Variants in MYO3A observed in about 807,000 individuals in gnomAD.
MYO3A encodes the protein myosin-IIIa.
A neutral mutation model predicts 192.7 loss-of-function variants in MYO3A; 180 were observed. The observed-to-expected ratio is 0.93, with a 90% CI of 0.83 to 1.06. MYO3A has a LOEUF of 1.06. Ranked by LOEUF, MYO3A falls within the 50% of genes least tolerant of loss-of-function variation. The probability of loss-of-function intolerance (pLI) is 0.00; values close to 1 mark genes in which losing one functional copy is unlikely to be tolerated. For synonymous variants in MYO3A, 628 were observed against 645.3 expected (o/e 0.97, Z 0.41); for missense variants, 1,896 against 1,905.0 (o/e 1.00, Z 0.09).
chr10:26,138,634 C>T (rs913395984), intron 20 of MYO3A, among the ~76,000 whole-genome samples: 3 of 152,146 alleles, frequency 2.0e-5, no homozygotes, highest in African/African-American at 4.8e-5. Context: ...AGAAGTCTTA[C>T]TTCGTATGCC....
intron 23 of MYO3A, among the ~76,000 whole-genome samples, chr10:26,150,087 C>T (rs1840711808): frequency 6.6e-6 from 1 of 151,164 alleles, no homozygotes; most frequent in Non-Finnish European, 1.5e-5. Context: ...TCCAATCATC[C>T]ATTGATGGAC....
In MYO3A at chr10:26,088,414, A is replaced by G. The variant is rs746208165; in HGVS notation, c.1562+9A>G. On this transcript the variant is annotated intron_variant, in intron 15 of 34. Transcript: ENST00000642920. ...GTTATCCACCAAGCTATGTAAGTTT[A>G]TTTCAAATCTCTCCTATTTTGGAGG... 5 of 1,608,964 alleles carry G rather than the reference A, an allele frequency of 3.1e-6. No individual in the cohort carries two copies. Among genetic ancestry groups the G allele is most frequent in the South Asian group, 2.2e-5 (2 of 90,982 alleles).
At chr10:26,009,595 G>A (rs912270069) in intron 6 of MYO3A, among the ~76,000 whole-genome samples, 1 of 152,088 alleles carries the variant, frequency 6.6e-6, no homozygotes, top group Non-Finnish European at 1.5e-5. Flanking sequence ...TTTTTATGTT[G>A]CTATCAAGTT....
In MYO3A at chr10:26,159,446, G is replaced by A. The variant is rs1164734081; in HGVS notation, c.2999+1931G>A. 6.8e-5 allele frequency among the ~76,000 whole-genome samples: 10 copies of A among 147,826 alleles called. No homozygotes were observed. In the South Asian group the frequency reaches 1.9e-3, roughly 29 times the overall value. On this transcript the variant is annotated intron_variant, in intron 26 of 34. Transcript: ENST00000642920. The stretch of plus-strand genomic sequence containing the variant: ...GCAATCTTGGCTCACTGCAAGCTCC[G>A]CTTCACAGTGAGCTTGCATTCTGTG...
intron 4 of MYO3A, among the ~76,000 whole-genome samples, chr10:25,968,977 C>T (rs557694961): frequency 3.9e-4 from 59 of 152,320 alleles, no homozygotes; most frequent in African/African-American, 1.2e-3. Context: ...TGGTGGCTCA[C>T]GCCTGTAATC....
chr10:26,075,548 T>C (rs1225231662), intron 14 of MYO3A, among the ~76,000 whole-genome samples: 1 of 149,720 alleles, frequency 6.7e-6, no homozygotes, highest in Non-Finnish European at 1.5e-5. Flanking sequence ...ACTCCTGAGT[T>C]ACTTCACTTA....
intron 14 of MYO3A, among the ~76,000 whole-genome samples, chr10:26,074,040 C>G (rs1287955078): frequency 6.6e-6 from 1 of 151,816 alleles, no homozygotes; most frequent in Non-Finnish European, 1.5e-5. Context: ...AGGTAAAGAT[C>G]TTAAAGTAAG....
rs1490392843 is a variant in MYO3A, at chr10:26,081,937, A to C, written c.1360-6266A>C. Among the ~76,000 whole-genome samples the C allele has an allele frequency of 2.0e-5, 3 of 152,308 alleles. No homozygotes were observed. The East Asian group carries it at 5.8e-4, about 29-fold the overall frequency. The stretch of plus-strand genomic sequence containing the variant: ...ATTTGGAGGGTCTCCCGGGTCCTGC[A>C]GGAGCAATCCGCTTTCTTTAGAGGA... On this transcript the variant is annotated intron_variant, in intron 14 of 34. Coordinates refer to ENST00000642920, the MANE Select transcript of MYO3A (RefSeq NM_017433.5).
At chr10:26,166,242 C>A in intron 27 of MYO3A, 64 bp downstream of exon 27, 2 of 1,303,358 alleles carry the variant, frequency 1.5e-6, no homozygotes, top group Non-Finnish European at 2.2e-6. Flanking sequence ...AGAATTGTAA[C>A]ATTTTACAAT....
At chr10:26,020,611 G>T (rs980882139) in intron 7 of MYO3A, among the ~76,000 whole-genome samples, 5 of 151,974 alleles carry the variant, frequency 3.3e-5, no homozygotes, top group Non-Finnish European at 7.4e-5. Context: ...TTTTCTTGTG[G>T]GTTGGCATGT....
At chr10:26,129,807 C>T (rs1480019732) in intron 20 of MYO3A, among the ~76,000 whole-genome samples, 1 of 152,166 alleles carries the variant, frequency 6.6e-6, no homozygotes, top group Admixed American at 6.5e-5. Context: ...AGCAAGTGTT[C>T]AATAAGTAAT....
rs1840412234 is a variant in MYO3A at position 26,145,535 on chromosome 10, G to GT, written c.2505+2dup. On this transcript the variant is annotated splice_donor_variant, in intron 22 of 34. Transcript: ENST00000642920. LOFTEE classifies it high-confidence loss of function. ...TGGAATTCACCATTATGCAGGAAAG[G>GT]TAAGAACTCTAAAGAATTATGACTG... 1.3e-6 allele frequency: 2 copies of GT among 1,577,794 alleles called. No individual in the cohort carries two copies. Among genetic ancestry groups the GT allele is most frequent in the Non-Finnish European group, 1.7e-6 (2 of 1,147,146 alleles).
intron 2 of MYO3A, among the ~76,000 whole-genome samples, chr10:25,940,490 G>T (rs1040200260): frequency 6.6e-6 from 1 of 151,930 alleles, no homozygotes; most frequent in African/African-American, 2.4e-5. Context: ...GTTCAATCTT[G>T]TCCAACAGAG....
chr10:25,939,995 A>G lies in MYO3A; in HGVS notation c.-18+4165A>G, dbSNP rs548341278. Among the ~76,000 whole-genome samples the G allele has an allele frequency of 2.6e-5, 4 of 152,174 alleles. No individual in the cohort carries two copies. The East Asian group carries it at 7.7e-4, about 29-fold the overall frequency. ...CTAATAAATATTTTTGCTTTAAAAT[A>G]TATTTTGCCTGATATTGAGCTAGCC... On this transcript the variant is annotated intron_variant, in intron 2 of 34. Transcript: ENST00000642920.
chr10:25,995,741 G>T (rs1840387421), intron 4 of MYO3A, among the ~76,000 whole-genome samples: 1 of 152,232 alleles, frequency 6.6e-6, no homozygotes, highest in Admixed American at 6.5e-5. Flanking sequence ...CTCAGCTGCA[G>T]GTCTGTTGGA....
chr10:26,099,046 A>G (rs900980646), intron 17 of MYO3A, among the ~76,000 whole-genome samples: 9 of 152,212 alleles, frequency 5.9e-5, no homozygotes, highest in Non-Finnish European at 8.8e-5. Context: ...ATCCATGAGT[A>G]TGGAATATTC....
chr10:26,143,491 A>G lies in MYO3A; in HGVS notation c.2306A>G (p.Tyr769Cys), dbSNP rs748780622. The G allele has an allele frequency of 1.9e-6, 3 of 1,613,298 alleles. No homozygotes were observed. In the African/African-American group the frequency reaches 4.0e-5, roughly 22 times the overall value. The change falls in exon 21 of 35, where the codon TAT (tyrosine) becomes TGT (cysteine). Residue 769 changes from tyrosine to cysteine, a missense_variant. Transcript: ENST00000642920. ...NEDVDARVIE[Y>C]EDNWPLLDMF... ...GATGTGGATGCTAGAGTTATTGAAT[A>G]TGAGGATAACTGGCCCCTCTTAGAT...
At chr10:26,128,302 C>A in intron 19 of MYO3A, 89 bp from the exon 20 acceptor site, 3 of 1,366,108 alleles carry the variant, frequency 2.2e-6, no homozygotes, top group Non-Finnish European at 2.1e-6. Context: ...AGTTTCTTAG[C>A]TCAGTCACAA....
intron 4 of MYO3A, among the ~76,000 whole-genome samples, chr10:25,959,803 GT>G (rs1465452747): frequency 0.016 from 335 of 21,200 alleles, no homozygotes; most frequent in African/African-American, 0.055. Context: ...CTTAACCTGG[GT>G]GTGTGTGTGT....
Sources: allele counts gnomAD v4.1 joint callset (sites outside exome capture counted in the v4.1 genomes callset), GRCh38; gene constraint gnomAD v4.1.1; transcripts MANE v1.5; gene names NCBI Gene and HGNC (gene_info 2026-07-23, HGNC 2026-07-21).